Variants in TFB2M observed in about 807,000 individuals in gnomAD.
TFB2M encodes the protein dimethyladenosine transferase 2, mitochondrial.
TFB2M carries 44 observed loss-of-function variants against 41.3 expected under a neutral mutation model. The observed-to-expected ratio is 1.07, with a 90% CI of 0.84 to 1.37. The LOEUF is 1.37. Ranked by LOEUF, TFB2M falls within the 40% of genes most tolerant of loss-of-function variation. The pLI, the probability that TFB2M is intolerant of heterozygous loss-of-function variation, is 0.00. For missense variants in TFB2M, 496 were observed against 490.2 expected (o/e 1.01, Z -0.11); for synonymous variants, 188 against 176.8 (o/e 1.06, Z -0.50).
Position 246,566,094 on chromosome 1 carries a change from G to C in TFB2M, c.45C>G (p.Ser15=). 1 of 1,612,536 alleles carries C rather than the reference G, an allele frequency of 6.2e-7. No homozygotes were observed. Among genetic ancestry groups the C allele is most frequent in the Non-Finnish European group, 8.5e-7 (1 of 1,178,830 alleles). ...VVGLPRRLRL[S]ALAGAGRFCI... ...AAAAGCGACCAGCGCCCGCCAAGGCGGAGAGCCTCAGCCGCCGAGGAAGCC... is the reference window on the plus strand; with the variant it reads ...AAAAGCGACCAGCGCCCGCCAAGGCCGAGAGCCTCAGCCGCCGAGGAAGCC... Residue 15 remains serine, a synonymous_variant, in exon 1 of 8, where the codon TCC becomes TCG. Transcript: ENST00000366514.
Position 246,556,694 on chromosome 1 carries a change from A to G in TFB2M, c.584T>C (p.Phe195Ser). Reference sequence around the variant, plus strand: ...TGCCCTTTTCTCACCTCTACTTGGGAACATTCCAACTACTTTTAAAGGGAT... The same window carrying G: ...TGCCCTTTTCTCACCTCTACTTGGGGACATTCCAACTACTTTTAAAGGGAT... ...ADIPLKVVGMFPSRGEKRALW... is the reference protein window; with the variant it reads ...ADIPLKVVGMSPSRGEKRALW... Residue 195 changes from phenylalanine to serine, a missense_variant, in exon 4 of 8, where the codon TTC becomes TCC. Coordinates refer to ENST00000366514, the MANE Select transcript of TFB2M (RefSeq NM_022366.3). The G allele has an allele frequency of 6.4e-7, 1 of 1,574,472 alleles. No individual in the cohort carries two copies. Among genetic ancestry groups the G allele is most frequent in the Non-Finnish European group, 8.6e-7 (1 of 1,168,522 alleles).
chr1:246,548,972 CTTCAGTGGAAAAGCCTACTAATCAAACTA>C (rs1659095875), intron 5 of TFB2M, among the ~76,000 whole-genome samples: 1 of 152,184 alleles, frequency 6.6e-6, no homozygotes, highest in South Asian at 2.1e-4. Flanking sequence ...TTTTGCCCTA[CTTCAGTGGAAAAGCCTACTAATCAAACTA>C]TTTGAATATG....
chr1:246,563,182 G>C (rs944741805), intron 2 of TFB2M, among the ~76,000 whole-genome samples: 1 of 149,198 alleles, frequency 6.7e-6, no homozygotes, highest in African/African-American at 2.5e-5. Flanking sequence ...CTGCTGTGCT[G>C]CTTAGTTTCT....
In TFB2M at chr1:246,541,217, C is replaced by T. The variant is rs200646474; in HGVS notation, c.1020-15G>A. The T allele has an allele frequency of 1.9e-6, 3 of 1,610,342 alleles. No individual in the cohort carries two copies. The highest frequency in any genetic ancestry group is 2.5e-6 in the Non-Finnish European group (3 of 1,178,000). ...GAGTCAATGAACTGCAAAAGAAATACAAAGTAAATGTACTTAATTCTTTCT... is the reference window on the plus strand; with the variant it reads ...GAGTCAATGAACTGCAAAAGAAATATAAAGTAAATGTACTTAATTCTTTCT... On this transcript the variant is annotated splice_polypyrimidine_tract_variant and intron_variant, in intron 7 of 7. Coordinates refer to ENST00000366514, the MANE Select transcript of TFB2M (RefSeq NM_022366.3).
At chr1:246,559,464 G>A (rs77317198) in intron 2 of TFB2M, among the ~76,000 whole-genome samples, 4 of 152,142 alleles carry the variant, frequency 2.6e-5, no homozygotes, top group African/African-American at 9.7e-5. Context: ...GGGAGAAATC[G>A]CTTGAACCCA....
chr1:246,546,959 GTA>G (rs1553363663), intron 6 of TFB2M, among the ~76,000 whole-genome samples: 7 of 74,280 alleles, frequency 9.4e-5, no homozygotes, highest in Non-Finnish European at 1.8e-4. Flanking sequence ...GTTTATATAT[GTA>G]TATATACACA....
chr1:246,548,830 T>C (rs1648750611), intron 5 of TFB2M, among the ~76,000 whole-genome samples: 1 of 152,244 alleles, frequency 6.6e-6, no homozygotes, highest in Non-Finnish European at 1.5e-5. Context: ...CCTCTTTTCC[T>C]TATTAAACAT....
In TFB2M at chr1:246,564,453, G is replaced by A. The variant is rs375597989; in HGVS notation, c.314-19C>T. 4.0e-5 allele frequency: 65 copies of A among 1,607,520 alleles called. No individual in the cohort carries two copies. The highest frequency in any genetic ancestry group is 6.8e-6 in the Non-Finnish European group (8 of 1,174,660). ...CCAGGACCTGGCACATTAACAGAACGAAAAGTTTATTTGTACAAGAAACAT... is the reference window on the plus strand; with the variant it reads ...CCAGGACCTGGCACATTAACAGAACAAAAAGTTTATTTGTACAAGAAACAT... On this transcript the variant is annotated intron_variant, in intron 1 of 7. Coordinates refer to ENST00000366514, the MANE Select transcript of TFB2M (RefSeq NM_022366.3).
At chr1:246,544,942 A>G (rs1658962151) in intron 6 of TFB2M, among the ~76,000 whole-genome samples, 1 of 151,992 alleles carries the variant, frequency 6.6e-6, no homozygotes, top group Non-Finnish European at 1.5e-5. Context: ...AGTAGCTGGG[A>G]CTACAGGCGC....
At chr1:246,556,142 A>G (rs1388718749) in intron 4 of TFB2M, among the ~76,000 whole-genome samples, 1 of 152,206 alleles carries the variant, frequency 6.6e-6, no homozygotes, top group East Asian at 1.9e-4. Context: ...GACACATGCT[A>G]TAACATTGAT....
intron 2 of TFB2M, among the ~76,000 whole-genome samples, chr1:246,560,267 G>A (rs555045928): frequency 6.6e-6 from 1 of 152,288 alleles, no homozygotes; most frequent in South Asian, 2.1e-4. Context: ...TTGTAATTAA[G>A]GAAAGCTAAA....
At chr1:246,550,796 T>C (rs1053077893) in intron 5 of TFB2M, among the ~76,000 whole-genome samples, 4 of 152,160 alleles carry the variant, frequency 2.6e-5, no homozygotes, top group African/African-American at 9.7e-5. Context: ...GGCAGGGGAA[T>C]TGCTTGAATA....
rs753070776 is a variant in TFB2M at position 246,556,659 on chromosome 1, G to A, written c.619C>T (p.Leu207Phe). The A allele has an allele frequency of 7.0e-6, 11 of 1,582,184 alleles. No homozygotes were observed. The highest frequency in any genetic ancestry group is 3.3e-4 in the Middle Eastern group (2 of 6,018). ...GTACAGGAATACAAGTCATATGCGA[G>A]TTTCCAAAGTGCCCTTTTCTCACCT... ...SRGEKRALWK[L>F]AYDLYSCTSI... The change falls in exon 4 of 8, where the codon CTC (leucine) becomes TTC (phenylalanine). Residue 207 changes from leucine (L) to phenylalanine (F), a missense_variant. Transcript: ENST00000366514.
intron 4 of TFB2M, among the ~76,000 whole-genome samples, chr1:246,554,340 T>C (rs897228906): frequency 7.2e-5 from 11 of 152,112 alleles, no homozygotes; most frequent in Admixed American, 4.6e-4. Flanking sequence ...TGTTAGAAAC[T>C]GGGCCACACA....
Position 246,540,946 on chromosome 1 carries a change from G to T in TFB2M, c.*85C>A. ...AAGACAAGAACAGTTACCTTCTGCT[G>T]AAAGGATGTGAGTTTTCAAATTTGG... On this transcript the variant is annotated 3_prime_UTR_variant, in exon 8 of 8. Coordinates refer to ENST00000366514, the MANE Select transcript of TFB2M (RefSeq NM_022366.3). 1.5e-6 allele frequency: 2 copies of T among 1,354,504 alleles called. No individual in the cohort carries two copies. The highest frequency in any genetic ancestry group is 2.0e-6 in the Non-Finnish European group (2 of 985,930). The allele number at this position is 1,354,504 out of a possible 1,614,324, so 83.9% of individuals were successfully genotyped here. A position where few individuals can be genotyped will look rare whatever the true frequency, so the allele number is the denominator to read the frequency against.
intron 6 of TFB2M, 77 bp from the exon 7 acceptor site, chr1:246,544,758 G>A: frequency 2.3e-6 from 3 of 1,293,534 alleles, no homozygotes; most frequent in Non-Finnish European, 3.2e-6. Context: ...CTTCCTTCAA[G>A]CTATCTGCTG....
chr1:246,559,726 T>C (rs769071391), intron 2 of TFB2M, among the ~76,000 whole-genome samples: 2 of 152,176 alleles, frequency 1.3e-5, no homozygotes, highest in Non-Finnish European at 2.9e-5. Context: ...GTTGCAGACC[T>C]GAATAAGGTG....
chr1:246,554,600 T>C (rs1659271099), intron 4 of TFB2M, among the ~76,000 whole-genome samples: 1 of 152,208 alleles, frequency 6.6e-6, no homozygotes, highest in African/African-American at 2.4e-5. Flanking sequence ...TCAGGAAAAC[T>C]AGCTCAGTGT....
intron 2 of TFB2M, among the ~76,000 whole-genome samples, chr1:246,559,584 A>G (rs895896739): frequency 8.5e-5 from 13 of 152,190 alleles, no homozygotes; most frequent in African/African-American, 3.1e-4. Context: ...GTACATTTTA[A>G]CAATCACTTT....
Sources: gnomAD v4.1 joint callset for allele counts (sites outside exome capture counted in the v4.1 genomes callset) on GRCh38, gnomAD v4.1.1 for gene constraint, MANE v1.5 for transcripts, NCBI Gene and HGNC (gene_info 2026-07-23, HGNC 2026-07-21) for gene names.